The following RIMBP2 variants were observed in gnomAD, a reference collection of about 807,000 sequenced individuals.
RIMBP2 encodes the protein RIMS-binding protein 2.
RIMBP2 carries 48 observed loss-of-function variants against 118.6 expected under a neutral mutation model. The ratio of observed to expected loss-of-function variants is 0.40; its 90% CI spans 0.32 to 0.51. The LOEUF is 0.51. Ranked by LOEUF, RIMBP2 falls within the 20% of genes least tolerant of loss-of-function variation. The probability of loss-of-function intolerance (pLI) is 0.41; values close to 1 mark genes in which losing one functional copy is unlikely to be tolerated. For missense variants in RIMBP2, 1,551 were observed against 1,768.3 expected (o/e 0.88, Z 2.20); for synonymous variants, 762 against 742.9 (o/e 1.03, Z -0.42).
intron 1 of RIMBP2, among the ~76,000 whole-genome samples, chr12:130,701,545 C>A (rs1424238091): frequency 6.6e-6 from 1 of 152,084 alleles, no homozygotes; most frequent in East Asian, 1.9e-4. Context: ...CACAGTCAGG[C>A]CCGCGTCTGA....
intron 4 of RIMBP2, among the ~76,000 whole-genome samples, chr12:130,498,166 C>A (rs924176670): frequency 9.1e-6 from 1 of 109,324 alleles, no homozygotes; most frequent in African/African-American, 2.9e-5. Flanking sequence ...ATGAAGGCAG[C>A]ACTGACTCCA....
chr12:130,708,295 T>C (rs7965322), intron 1 of RIMBP2, among the ~76,000 whole-genome samples: 49,893 of 152,046 alleles, frequency 0.33, 9,021 homozygotes, highest in African/African-American at 0.47. Context: ...TGTTCTAACA[T>C]TGATGACAGT....
At chr12:130,554,543 C>G (rs372657240) in intron 2 of RIMBP2, among the ~76,000 whole-genome samples, 1 of 150,708 alleles carries the variant, frequency 6.6e-6, no homozygotes, top group Admixed American at 6.6e-5. Flanking sequence ...CTTAGGCTTA[C>G]GAATACAGAC....
intron 1 of RIMBP2, among the ~76,000 whole-genome samples, chr12:130,656,906 CAA>C (rs934498884): frequency 6.6e-6 from 1 of 150,578 alleles, no homozygotes; most frequent in African/African-American, 2.4e-5. Flanking sequence ...GATACCCTGT[CAA>C]AAAAAAATTA....
chr12:130,639,136 C>T (rs543917707), intron 1 of RIMBP2, among the ~76,000 whole-genome samples: 1 of 152,140 alleles, frequency 6.6e-6, no homozygotes, highest in South Asian at 2.1e-4. Flanking sequence ...GCCTGTAATC[C>T]CAGCACTTTG....
At chr12:130,652,603 A>C (rs1395351475) in intron 1 of RIMBP2, among the ~76,000 whole-genome samples, 1 of 151,644 alleles carries the variant, frequency 6.6e-6, no homozygotes, top group Non-Finnish European at 1.5e-5. Flanking sequence ...GATATGGAGC[A>C]TCTCAGTGGT....
intron 2 of RIMBP2, among the ~76,000 whole-genome samples, chr12:130,553,462 T>C (rs1051640011): frequency 4.1e-4 from 62 of 152,176 alleles, no homozygotes; most frequent in African/African-American, 1.3e-3. Context: ...AATCTTAATA[T>C]ATAGAATTTG....
chr12:130,518,069 C>A (rs552204128), intron 2 of RIMBP2, among the ~76,000 whole-genome samples, 152 bp from the exon 3 acceptor site: 1 of 152,194 alleles, frequency 6.6e-6, no homozygotes, highest in African/African-American at 2.4e-5. Context: ...GGACTGATTT[C>A]TCTCTTTTTT....
At chr12:130,411,734 T>C (rs374741978) in intron 19 of RIMBP2, among the ~76,000 whole-genome samples, 18 of 152,184 alleles carry the variant, frequency 1.2e-4, no homozygotes, top group African/African-American at 4.3e-4. Context: ...ATCTTCGATC[T>C]CATGGATTTA....
chr12:130,666,672 A>G (rs1050167980), intron 1 of RIMBP2, among the ~76,000 whole-genome samples: 2 of 149,062 alleles, frequency 1.3e-5, no homozygotes, highest in Non-Finnish European at 3.0e-5. Flanking sequence ...GGGATGGAGG[A>G]AAGAGGGAAG....
chr12:130,649,507 G>A (rs1299047366), intron 1 of RIMBP2, among the ~76,000 whole-genome samples: 2 of 152,214 alleles, frequency 1.3e-5, no homozygotes, highest in Non-Finnish European at 2.9e-5. Flanking sequence ...GGGCTGCTGG[G>A]AAATGTGCCC....
At chr12:130,460,051 G>A (rs367909349) in intron 6 of RIMBP2, among the ~76,000 whole-genome samples, 7 of 152,320 alleles carry the variant, frequency 4.6e-5, no homozygotes, top group African/African-American at 1.7e-4. Context: ...GTACCCTTCA[G>A]TTAGAGATGA....
At chr12:130,458,185 T>A (rs1422462623) in intron 6 of RIMBP2, among the ~76,000 whole-genome samples, 1 of 152,002 alleles carries the variant, frequency 6.6e-6, no homozygotes, top group Non-Finnish European at 1.5e-5. Context: ...ATGGCTGAGA[T>A]CATGGATTTC....
At chr12:130,413,252 A>G (rs535971912) in intron 18 of RIMBP2, among the ~76,000 whole-genome samples, 1 of 152,276 alleles carries the variant, frequency 6.6e-6, no homozygotes, top group East Asian at 1.9e-4. Flanking sequence ...CTGAAACTGC[A>G]AACAGGGTTC....
intron 2 of RIMBP2, among the ~76,000 whole-genome samples, chr12:130,625,501 T>C (rs1252627069): frequency 2.6e-5 from 4 of 151,636 alleles, no homozygotes; most frequent in Non-Finnish European, 4.4e-5. Context: ...AAGTCAAATG[T>C]GCAGCCCATC....
chr12:130,443,808 A>T (rs2137207652), intron 10 of RIMBP2, among the ~76,000 whole-genome samples: 1 of 152,286 alleles, frequency 6.6e-6, no homozygotes, highest in East Asian at 1.9e-4. Flanking sequence ...GGTTATGAAG[A>T]TGATTATAAT....
At chr12:130,586,567 A>T (rs1281123384) in intron 2 of RIMBP2, among the ~76,000 whole-genome samples, 1 of 151,814 alleles carries the variant, frequency 6.6e-6, no homozygotes, top group East Asian at 1.9e-4. Flanking sequence ...GAGAAAAACA[A>T]GCAATGGGGA....
intron 17 of RIMBP2, among the ~76,000 whole-genome samples, chr12:130,417,707 G>T (rs2076181424): frequency 2.0e-5 from 3 of 152,218 alleles, no homozygotes; most frequent in Admixed American, 2.0e-4. Context: ...ACCTGCACAT[G>T]TACCCCAGTG....
chr12:130,623,294 C>T lies in RIMBP2; in HGVS notation c.-217+5028G>A, dbSNP rs1440620363. 6.6e-6 allele frequency among the ~76,000 whole-genome samples: 1 copy of T among 152,150 alleles called. No homozygotes were observed. Among genetic ancestry groups the T allele is most frequent in the Non-Finnish European group, 1.5e-5 (1 of 68,038 alleles). On this transcript the variant is annotated intron_variant, in intron 2 of 22. Transcript: ENST00000690449. This position sits in a 1 kb window ranked among gnomAD's most constrained non-coding sequence, Gnocchi z 4.1. ...TTCTTGGCTACATGTGCAGAACATG[C>T]AGGTTTGTTACACAGGTATACATGT... is the stretch of plus-strand genomic sequence containing the variant.
Sources: gnomAD v4.1 joint callset for allele counts (sites outside exome capture counted in the v4.1 genomes callset) on GRCh38, gnomAD v4.1.1 for gene constraint, Gnocchi (gnomAD v3.1) non-coding constraint, MANE v1.5 for transcripts, NCBI Gene and HGNC (gene_info 2026-07-23, HGNC 2026-07-21) for gene names.